Variants in ETNK1 observed in about 807,000 individuals in gnomAD.
ETNK1 encodes the protein putative protein product of Nbla10396.
Under a neutral mutation model 45.1 loss-of-function variants are expected in ETNK1, and 8 were observed. That is an observed-to-expected ratio of 0.18 (90% CI 0.10 to 0.32). The LOEUF (loss-of-function observed/expected upper bound fraction) is 0.32, where lower values mean the gene tolerates loss of function less well. Ranked by LOEUF, ETNK1 falls within the 10% of genes least tolerant of loss-of-function variation. The pLI, the probability that ETNK1 is intolerant of heterozygous loss-of-function variation, is 1.00. For missense variants in ETNK1, 302 were observed against 430.6 expected, an observed-to-expected ratio of 0.70 and a Z score of 2.64; for synonymous variants, 152 against 151.9, an observed-to-expected ratio of 1.00 and a Z score of -0.01.
At chr12:22,630,175 T>C (rs1320522966) in intron 1 of ETNK1, among the ~76,000 whole-genome samples, 1 of 152,198 alleles carries the variant, frequency 6.6e-6, no homozygotes, top group Non-Finnish European at 1.5e-5. Flanking sequence ...CTCTATAAAA[T>C]GGTATTACCT....
intron 6 of ETNK1, among the ~76,000 whole-genome samples, chr12:22,678,109 G>A (rs774846335): frequency 1.3e-5 from 2 of 151,776 alleles, no homozygotes; most frequent in Admixed American, 6.6e-5. Flanking sequence ...TTAGCTAGCC[G>A]TTTACCTTCC....
chr12:22,675,973 A>G lies in ETNK1; in HGVS notation c.945+2313A>G, dbSNP rs139072707. Among the ~76,000 whole-genome samples, 287 of 152,262 alleles carry G rather than the reference A, an allele frequency of 1.9e-3. 2 individuals carry two copies. The highest frequency in any genetic ancestry group is 6.5e-3 in the African/African-American group (270 of 41,568). On this transcript the variant is annotated intron_variant, in intron 6 of 7. Coordinates refer to ENST00000266517, the MANE Select transcript of ETNK1 (RefSeq NM_018638.5). ...TACCAATTTCTAGTTCTTCCTCATT[A>G]AGAAACATTAAAAGCCCGTTATTTA...
chr12:22,656,088 A>G (rs1366391305), intron 2 of ETNK1, among the ~76,000 whole-genome samples: 1 of 152,158 alleles, frequency 6.6e-6, no homozygotes, highest in Admixed American at 6.5e-5. Context: ...TAACCTGTAA[A>G]TGCCCCTTGG....
intron 1 of ETNK1, among the ~76,000 whole-genome samples, chr12:22,627,332 T>G (rs948401013): frequency 1.3e-5 from 2 of 152,154 alleles, no homozygotes; most frequent in African/African-American, 4.8e-5. Context: ...TAGCAACTTT[T>G]AACCTAAAGA....
intron 6 of ETNK1, among the ~76,000 whole-genome samples, chr12:22,673,875 G>A (rs647446): frequency 6.6e-6 from 1 of 152,062 alleles, no homozygotes; most frequent in Non-Finnish European, 1.5e-5. Context: ...CCATCCCCTA[G>A]AACAATGCCT....
chr12:22,636,433 G>A (rs1038672792), intron 1 of ETNK1, among the ~76,000 whole-genome samples: 21 of 151,948 alleles, frequency 1.4e-4, no homozygotes, highest in African/African-American at 5.1e-4. Context: ...TTTTGAAGCT[G>A]TATTGTTGGA....
chr12:22,671,387 G>A (rs1954105522), intron 5 of ETNK1, 32 bp downstream of exon 5: 1 of 1,283,498 alleles, frequency 7.8e-7, no homozygotes, highest in Admixed American at 1.7e-5. Context: ...ATTTAGCTTT[G>A]AAACGATATT....
rs575484499 is a variant in ETNK1, at chr12:22,682,378, A to C, written c.946-2105A>C. 1.8e-5 allele frequency: 7 copies of C among 380,210 alleles called. 1 individual carries two copies. Among genetic ancestry groups the C allele is most frequent in the Admixed American group, 1.8e-4 (6 of 33,580 alleles). 23.6% of individuals were successfully genotyped at this position (380,210 alleles called of 1,614,324 possible). A position where few individuals can be genotyped will look rare whatever the true frequency, so the allele number is the denominator to read the frequency against. ...TTTATAGTTGAGAAAATGTCTGCCAAATACTCAAGTCTGATAACTCTAGTT... is the reference window on the plus strand; with the variant it reads ...TTTATAGTTGAGAAAATGTCTGCCACATACTCAAGTCTGATAACTCTAGTT... On this transcript the variant is annotated intron_variant, in intron 6 of 7. Coordinates refer to ENST00000266517, the MANE Select transcript of ETNK1 (RefSeq NM_018638.5).
At chr12:22,635,239 T>C (rs10842042) in intron 1 of ETNK1, among the ~76,000 whole-genome samples, 44,867 of 152,142 alleles carry the variant, frequency 0.29, 6,927 homozygotes, top group Non-Finnish European at 0.33. Flanking sequence ...TCTGCTTCAG[T>C]ATGTGTGTCA....
At chr12:22,638,431 T>C (rs1427937226) in intron 1 of ETNK1, 4 of 152,178 alleles carry the variant, frequency 2.6e-5, no homozygotes, top group African/African-American at 9.7e-5. Context: ...TTTGTATTTT[T>C]AGTAGAGACA....
intron 2 of ETNK1, among the ~76,000 whole-genome samples, chr12:22,645,354 T>G (rs1953794121): frequency 6.6e-6 from 1 of 151,914 alleles, no homozygotes; most frequent in African/African-American, 2.4e-5. Flanking sequence ...ATGATTGATC[T>G]ATTTCAGTAA....
In ETNK1 at chr12:22,686,487, A is replaced by G. The variant is rs1954261538; in HGVS notation, c.*1533A>G. 12 of 152,378 alleles carry G rather than the reference A, an allele frequency of 7.9e-5. No individual in the cohort carries two copies. Among genetic ancestry groups the G allele is most frequent in the Admixed American group, 7.9e-4 (12 of 15,242 alleles). 9.4% of individuals were successfully genotyped at this position (152,378 alleles called of 1,614,324 possible). ...CAAATGACTTAATATTCTCAGACAA[A>G]TGCTTTAAAATACTTGGATTATCTC... On this transcript the variant is annotated 3_prime_UTR_variant, in exon 8 of 8. Transcript: ENST00000266517.
intron 1 of ETNK1, among the ~76,000 whole-genome samples, chr12:22,630,704 A>G (rs1254863591): frequency 2.0e-5 from 3 of 152,094 alleles, no homozygotes; most frequent in Non-Finnish European, 2.9e-5. Flanking sequence ...TCCGTTTCCC[A>G]GGTTCAAGTG....
At chr12:22,656,480 A>G (rs1003331799) in intron 2 of ETNK1, 2 of 985,186 alleles carry the variant, frequency 2.0e-6, no homozygotes, top group Non-Finnish European at 2.4e-6. Context: ...TTTGGAAAAC[A>G]TTTCCAAATA....
chr12:22,644,207 G>C, intron 2 of ETNK1, 185 bp downstream of exon 2: 1 of 1,587,066 alleles, frequency 6.3e-7, no homozygotes, highest in Non-Finnish European at 8.6e-7. Context: ...CTTTATATTT[G>C]CAGTTTATCA....
intron 6 of ETNK1, among the ~76,000 whole-genome samples, chr12:22,675,684 T>G (rs1343324754): frequency 6.6e-6 from 1 of 152,122 alleles, no homozygotes; most frequent in Non-Finnish European, 1.5e-5. Flanking sequence ...GTAAAATTAT[T>G]GGTAAATTGG....
At chr12:22,625,806 C>T (rs1338426393) in intron 1 of ETNK1, 7 of 756,498 alleles carry the variant, frequency 9.3e-6, no homozygotes, top group South Asian at 1.5e-5. Context: ...CACATTTTCT[C>T]TTTCTAGAAG....
Position 22,643,770 on chromosome 12 carries a change from C to T in ETNK1, c.164C>T (p.Thr55Ile). The change falls in exon 2 of 8, where the codon ACA becomes ATA. Residue 55 changes from threonine (T) to isoleucine (I), a missense_variant. Coordinates refer to ENST00000266517, the MANE Select transcript of ETNK1 (RefSeq NM_018638.5). ...DPQEVTLQLF[T>I]DGITNKLIGC... ...AAAAAAAATTTTTGGCAGCTCTTCACAGATGGAATCACAAATAAACTTATT... is the reference window on the plus strand; with the variant it reads ...AAAAAAAATTTTTGGCAGCTCTTCATAGATGGAATCACAAATAAACTTATT... 1 of 1,605,894 alleles carries T rather than the reference C, an allele frequency of 6.2e-7. No homozygotes were observed. The highest frequency in any genetic ancestry group is 8.5e-7 in the Non-Finnish European group (1 of 1,174,968).
intron 1 of ETNK1, among the ~76,000 whole-genome samples, chr12:22,642,042 G>A (rs1335927411): frequency 6.6e-6 from 1 of 152,092 alleles, no homozygotes; most frequent in Non-Finnish European, 1.5e-5. Flanking sequence ...ATTTTTATAA[G>A]CTAGATGAAG....
Sources: gnomAD v4.1 joint callset for allele counts (sites outside exome capture counted in the v4.1 genomes callset) on GRCh38, gnomAD v4.1.1 for gene constraint, MANE v1.5 for transcripts, NCBI Gene and HGNC (gene_info 2026-07-23, HGNC 2026-07-21) for gene names.